The following COL5A1 variants were observed in gnomAD, a reference collection of about 807,000 sequenced individuals.
The protein encoded by COL5A1 is collagen alpha-1(V) chain.
COL5A1 carries 16 observed loss-of-function variants against 263.7 expected under a neutral mutation model. The ratio of observed to expected loss-of-function variants is 0.06; its 90% CI spans 0.04 to 0.09. COL5A1 has a LOEUF of 0.09. COL5A1 is among the 10% of genes least tolerant of loss of function. COL5A1 has a pLI of 1.00. For missense variants in COL5A1, 2,036 were observed against 2,540.5 expected, an observed-to-expected ratio of 0.80 and a Z score of 4.27; for synonymous variants, 1,012 against 1,004.5, an observed-to-expected ratio of 1.01 and a Z score of -0.14.
chr9:134,670,647 C>T (rs973727343), intron 1 of COL5A1, among the ~76,000 whole-genome samples: 21 of 152,304 alleles, frequency 1.4e-4, no homozygotes, highest in Admixed American at 9.2e-4. Context: ...CAGGCTGTCC[C>T]GAGAAGCTGA....
At chr9:134,705,525 C>T (rs1833810170) in intron 4 of COL5A1, among the ~76,000 whole-genome samples, 1 of 152,254 alleles carries the variant, frequency 6.6e-6, no homozygotes, top group South Asian at 2.1e-4. Context: ...GCAGGTCCCC[C>T]CAGCCTTGGA....
intron 1 of COL5A1, among the ~76,000 whole-genome samples, chr9:134,669,265 C>CCCTTCCCTTA (rs1564376406): frequency 1.9e-5 from 2 of 103,380 alleles, no homozygotes; most frequent in East Asian, 6.1e-4. Context: ...CCCTTCCCTT[C>CCCTTCCCTTA]CCTTCCCTTC....
rs980747032 is a variant in COL5A1, at chr9:134,757,433, G to T, written c.1881+615G>T. On this transcript the variant is annotated intron_variant, in intron 17 of 65. Coordinates refer to ENST00000371817, the MANE Select transcript of COL5A1 (RefSeq NM_000093.5). This position sits in a 1 kb window ranked among gnomAD's most constrained non-coding sequence, Gnocchi z 6.2. ...GGGGCAGGGGAGATACTGACCTTCC[G>T]TGAAGAGTGCACCTGGGGACAGCAG... Among the ~76,000 whole-genome samples the T allele has an allele frequency of 6.6e-6, 1 of 152,162 alleles. No individual in the cohort carries two copies. The highest frequency in any genetic ancestry group is 1.5e-5 in the Non-Finnish European group (1 of 68,036).
intron 1 of COL5A1, among the ~76,000 whole-genome samples, chr9:134,667,552 C>T (rs1038774848): frequency 5.9e-5 from 9 of 152,226 alleles, no homozygotes; most frequent in Admixed American, 4.6e-4. Context: ...CATCTCCATG[C>T]ACTGCCCCAC....
In COL5A1 at chr9:134,821,830, C is replaced by A. The variant is rs1292780026; in HGVS notation, c.4555-267C>A. Among the ~76,000 whole-genome samples, 1 of 152,214 alleles carries A rather than the reference C, an allele frequency of 6.6e-6. No homozygotes were observed. The highest frequency in any genetic ancestry group is 1.5e-5 in the Non-Finnish European group (1 of 68,038). ...TGCTCAGCCTGAAGTCCTCGGTGGC[C>A]TGGGGGATGAGAGTGAGTTCCTGGC... On this transcript the variant is annotated intron_variant, in intron 58 of 65. Coordinates refer to ENST00000371817, the MANE Select transcript of COL5A1 (RefSeq NM_000093.5). The surrounding 1 kb of genome is among the most constrained non-coding windows in gnomAD (Gnocchi z 4.2).
At chr9:134,835,576 T>A (rs1839824281) in intron 65 of COL5A1, among the ~76,000 whole-genome samples, 1 of 151,954 alleles carries the variant, frequency 6.6e-6, no homozygotes, top group South Asian at 2.1e-4. Context: ...CTTCTGGGAG[T>A]GGCCAGAACT....
intron 2 of COL5A1, among the ~76,000 whole-genome samples, chr9:134,697,156 T>C (rs1159330387): frequency 6.6e-6 from 1 of 152,072 alleles, no homozygotes; most frequent in Non-Finnish European, 1.5e-5. Flanking sequence ...ACATGAAGTG[T>C]TCGACAGCCG....
chr9:134,827,392 A>T (rs1253201078), intron 63 of COL5A1, among the ~76,000 whole-genome samples: 1 of 152,150 alleles, frequency 6.6e-6, no homozygotes, highest in Non-Finnish European at 1.5e-5. Flanking sequence ...ACTCCTTGAG[A>T]ACCTGCCTTC....
chr9:134,830,057 C>G lies in COL5A1; in HGVS notation c.5136+13C>G. 6.2e-7 allele frequency: 1 copy of G among 1,614,002 alleles called. No individual in the cohort carries two copies. The highest frequency in any genetic ancestry group is 8.5e-7 in the Non-Finnish European group (1 of 1,179,960). On this transcript the variant is annotated intron_variant, in intron 64 of 65. Transcript: ENST00000371817. Reference sequence around the variant, plus strand: ...GCGTGGGAAACTGGTAAGGTGGCCTCTGGCGTCTTTGCGGTTGTCACTTTA... The same window carrying G: ...GCGTGGGAAACTGGTAAGGTGGCCTGTGGCGTCTTTGCGGTTGTCACTTTA...
intron 11 of COL5A1, among the ~76,000 whole-genome samples, chr9:134,747,806 GAC>G (rs151314285): frequency 0.033 from 3,435 of 102,730 alleles, 137 homozygotes; most frequent in Middle Eastern, 0.061. Flanking sequence ...CACACATGCA[GAC>G]ACATGCACAC....
chr9:134,756,718 T>C (rs1346741321), intron 16 of COL5A1, 47 bp from the exon 17 acceptor site: 2 of 1,598,366 alleles, frequency 1.3e-6, no homozygotes, highest in African/African-American at 2.7e-5. Flanking sequence ...GGGGTCTCAG[T>C]GAACCGGGGC....
chr9:134,730,802 G>C (rs1002392475), intron 7 of COL5A1, among the ~76,000 whole-genome samples: 11 of 152,220 alleles, frequency 7.2e-5, no homozygotes, highest in African/African-American at 2.7e-4. Flanking sequence ...GGAGGGGGGT[G>C]GCTTGTGGAC....
chr9:134,685,526 C>T (rs1486090432), intron 1 of COL5A1, among the ~76,000 whole-genome samples: 1 of 149,734 alleles, frequency 6.7e-6, no homozygotes, highest in Non-Finnish European at 1.5e-5. Context: ...ATCCATCCAT[C>T]CATCCACCAT....
At chr9:134,799,707 C>T (rs1172270480) in intron 37 of COL5A1, among the ~76,000 whole-genome samples, 1 of 152,196 alleles carries the variant, frequency 6.6e-6, no homozygotes, top group African/African-American at 2.4e-5. Flanking sequence ...CACTGGTGTT[C>T]TGCACGGCGC....
intron 22 of COL5A1, among the ~76,000 whole-genome samples, chr9:134,766,745 T>C (rs1836680851): frequency 6.6e-6 from 1 of 152,214 alleles, no homozygotes; most frequent in South Asian, 2.1e-4. Context: ...TGTTCCTTCC[T>C]GGTCGGATGT....
rs967461229 is a variant in COL5A1 at position 134,741,232 on chromosome 9, C to T, written c.1494+2424C>T. Among the ~76,000 whole-genome samples the T allele has an allele frequency of 7.2e-5, 11 of 152,190 alleles. No individual in the cohort carries two copies. Among genetic ancestry groups the T allele is most frequent in the South Asian group, 2.1e-4 (1 of 4,830 alleles). On this transcript the variant is annotated intron_variant, in intron 11 of 65. Transcript: ENST00000371817. This position sits in a 1 kb window ranked among gnomAD's most constrained non-coding sequence, Gnocchi z 4.5. ...GGAGAAACAACATTGTCTCTGCCCT[C>T]GGAGGTTGAGCATCTGGGGCCTCCA...
Position 134,677,544 on chromosome 9 carries a change from A to G in COL5A1, c.110-13368A>G, listed in dbSNP as rs1832714815. 6.6e-6 allele frequency among the ~76,000 whole-genome samples: 1 copy of G among 152,054 alleles called. No homozygotes were observed. On this transcript the variant is annotated intron_variant, in intron 1 of 65. Coordinates refer to ENST00000371817, the MANE Select transcript of COL5A1 (RefSeq NM_000093.5). This position sits in a 1 kb window ranked among gnomAD's most constrained non-coding sequence, Gnocchi z 4.4. ...TTGCCCCTGATGCTGAAATGATAGG[A>G]GGGTGAGGTTTATCAGCGGGATCTT...
rs1035268869 is a variant in COL5A1 at position 134,700,442 on chromosome 9, C to T, written c.491+320C>T. 3.9e-5 allele frequency among the ~76,000 whole-genome samples: 6 copies of T among 152,194 alleles called. No individual in the cohort carries two copies. The highest frequency in any genetic ancestry group is 2.6e-4 in the Admixed American group (4 of 15,282). ...CAGGAAATTGTGAGGTTATACCCAA[C>T]CTTTTCCAGAAAGGATTTCAGGTAT... On this transcript the variant is annotated intron_variant, in intron 3 of 65. Coordinates refer to ENST00000371817, the MANE Select transcript of COL5A1 (RefSeq NM_000093.5). This position sits in a 1 kb window ranked among gnomAD's most constrained non-coding sequence, Gnocchi z 4.0.
chr9:134,669,739 A>T (rs1216769632), intron 1 of COL5A1, among the ~76,000 whole-genome samples: 2 of 152,106 alleles, frequency 1.3e-5, no homozygotes, highest in African/African-American at 2.4e-5. Context: ...GGAAGTGGGG[A>T]TGTGGAAGTA....
Sources: gnomAD v4.1 joint callset for allele counts (sites outside exome capture counted in the v4.1 genomes callset) on GRCh38, gnomAD v4.1.1 for gene constraint, Gnocchi (gnomAD v3.1) non-coding constraint, MANE v1.5 for transcripts, NCBI Gene and HGNC (gene_info 2026-07-23, HGNC 2026-07-21) for gene names.